TBCE: variants seen among roughly 807,000 people sequenced by gnomAD.
TBCE encodes tubulin-specific chaperone E.
In TBCE, 53 loss-of-function variants were observed where a neutral mutation model predicts 77.0. That is an observed-to-expected ratio of 0.69 (90% CI 0.55 to 0.87). The LOEUF (loss-of-function observed/expected upper bound fraction) is 0.87. Among genes scored for constraint, TBCE ranks in the 40% least tolerant of loss-of-function variants. TBCE has a pLI of 0.00. For synonymous variants in TBCE, 235 were observed against 241.3 expected (o/e 0.97, Z 0.24); for missense variants, 624 against 622.4 (o/e 1.00, Z -0.03).
At chr1:235,418,575 G>A (rs1420610778) in intron 4 of TBCE, 4 of 152,242 alleles carry the variant, frequency 2.6e-5, no homozygotes, top group Non-Finnish European at 5.9e-5. Context: ...ACATGTGAGT[G>A]CGAGAAGCAC....
rs1291697285 is a variant in TBCE, at chr1:235,404,330, T to C, written c.185+2743T>C. Among the ~76,000 whole-genome samples the C allele has an allele frequency of 2.6e-5, 4 of 151,574 alleles. No homozygotes were observed. In the East Asian group the frequency reaches 7.7e-4, roughly 29 times the overall value. The stretch of plus-strand genomic sequence containing the variant: ...GGTGGTACGGGTGGTATGTGCCTGT[T>C]AGTACCAGCTACTTGGGTGGCTGAG... On this transcript the variant is annotated intron_variant, in intron 3 of 16. Transcript: ENST00000642610.
chr1:235,433,079 T>C (rs1398463703), intron 7 of TBCE: 1 of 1,552,204 alleles, frequency 6.4e-7, no homozygotes, highest in Middle Eastern at 1.7e-4. Context: ...CACACATCCA[T>C]GCGGATGAAC....
At chr1:235,370,973 C>T (rs1242613117) in intron 1 of TBCE, among the ~76,000 whole-genome samples, 1 of 144,154 alleles carries the variant, frequency 6.9e-6, no homozygotes, top group Admixed American at 7.3e-5. Context: ...AACTCCTGAC[C>T]TCATGATCCG....
intron 15 of TBCE, 136 bp downstream of exon 15, chr1:235,443,047 T>C (rs1682002072): frequency 1.2e-6 from 1 of 855,474 alleles, no homozygotes; most frequent in South Asian, 1.5e-5. Context: ...GTCTTTTATA[T>C]TCTAAAATAC....
intron 8 of TBCE, 28 bp downstream of exon 8, chr1:235,434,308 A>G (rs1379745760): frequency 6.4e-7 from 1 of 1,557,626 alleles, no homozygotes; most frequent in Non-Finnish European, 8.9e-7. Context: ...AAATGCATCT[A>G]TCCCCATTTA....
rs773574472 is a variant in TBCE, at chr1:235,419,400, T to A, written c.372-73T>A. 1.9e-6 allele frequency: 3 copies of A among 1,608,646 alleles called. No homozygotes were observed. The African/African-American group carries it at 4.0e-5, about 21-fold the overall frequency. On this transcript the variant is annotated intron_variant, in intron 4 of 16. Transcript: ENST00000642610. ...GGTACCCTTTTATATGTCTGAAATG[T>A]GTTTAATTTTTTAAAGGGCCAGTGG...
At chr1:235,374,766 G>A (rs1677187242) in intron 1 of TBCE, among the ~76,000 whole-genome samples, 1 of 145,230 alleles carries the variant, frequency 6.9e-6, no homozygotes, top group East Asian at 1.9e-4. Context: ...CTCCCGAAGT[G>A]CTGGGATTAC....
intron 3 of TBCE, 111 bp downstream of exon 3, chr1:235,401,698 T>C (rs1043629613): frequency 5.5e-6 from 5 of 901,370 alleles, no homozygotes; most frequent in South Asian, 4.2e-5. Context: ...AGTTATATTA[T>C]GGAATTTGTT....
chr1:235,386,774 C>T (rs1468356839), intron 2 of TBCE, among the ~76,000 whole-genome samples: 10 of 152,216 alleles, frequency 6.6e-5, no homozygotes, highest in Admixed American at 1.3e-4. Flanking sequence ...GTAGTTTGAT[C>T]GTCTGAAGCC....
At chr1:235,377,014 T>C (rs951228932) in intron 1 of TBCE, among the ~76,000 whole-genome samples, 23 of 152,114 alleles carry the variant, frequency 1.5e-4, no homozygotes, top group African/African-American at 4.8e-4. Context: ...TCACCAACTT[T>C]GGGCTCGGAG....
intron 6 of TBCE, among the ~76,000 whole-genome samples, chr1:235,428,883 C>T (rs1167985219): frequency 2.6e-5 from 4 of 151,380 alleles, no homozygotes; most frequent in Non-Finnish European, 5.9e-5. Context: ...ACCTTGTGAT[C>T]CGCCCACATC....
At position 235,450,288 on chromosome 1, in the gene TBCE, G is replaced by A; in HGVS notation, c.*1526G>A. 6.2e-7 allele frequency: 1 copy of A among 1,613,768 alleles called. No individual in the cohort carries two copies. The highest frequency in any genetic ancestry group is 8.5e-7 in the Non-Finnish European group (1 of 1,179,652). On this transcript the variant is annotated 3_prime_UTR_variant, in exon 17 of 17. Transcript: ENST00000642610. ...CGTCAGTTCCCACGGAGAATACTGA[G>A]GAGAAGACAGCATTCCTGTCTCACA...
intron 3 of TBCE, chr1:235,414,094 G>T (rs557049074): frequency 1.3e-4 from 42 of 322,246 alleles, no homozygotes; most frequent in Non-Finnish European, 2.2e-4. Flanking sequence ...GACCTCAGGT[G>T]GTCCTCCTGC....
intron 3 of TBCE, among the ~76,000 whole-genome samples, chr1:235,410,048 A>G (rs1041846526): frequency 1.3e-5 from 2 of 148,938 alleles, no homozygotes; most frequent in Admixed American, 6.7e-5. Context: ...ACAAAAACAA[A>G]AAAAACAGAA....
chr1:235,440,185 T>A (rs559858014), intron 13 of TBCE, among the ~76,000 whole-genome samples: 17 of 152,250 alleles, frequency 1.1e-4, no homozygotes, highest in East Asian at 5.8e-4. Context: ...TTAGCCAGGA[T>A]GGTCTCGATC....
At chr1:235,434,767 A>C (rs776317885) in intron 8 of TBCE, among the ~76,000 whole-genome samples, 6 of 151,930 alleles carry the variant, frequency 3.9e-5, no homozygotes, top group Non-Finnish European at 7.4e-5. Flanking sequence ...CATCTTGGCC[A>C]GGCTGGTCTC....
chr1:235,422,640 G>A (rs1338573182), intron 5 of TBCE, among the ~76,000 whole-genome samples: 1 of 152,118 alleles, frequency 6.6e-6, no homozygotes, highest in Admixed American at 6.6e-5. Context: ...GACCAGCCTG[G>A]CCAACGCGGT....
At chr1:235,424,598 C>T (rs1680598666) in intron 5 of TBCE, among the ~76,000 whole-genome samples, 1 of 151,890 alleles carries the variant, frequency 6.6e-6, no homozygotes, top group East Asian at 1.9e-4. Context: ...CTCCGCCTCC[C>T]AGGTTCAAGC....
intron 4 of TBCE, among the ~76,000 whole-genome samples, chr1:235,416,537 A>G (rs962691345): frequency 2.4e-5 from 2 of 82,208 alleles, no homozygotes; most frequent in Non-Finnish European, 4.8e-5. Flanking sequence ...AATGACACAC[A>G]AACCAAAAAA....
Sources: allele counts gnomAD v4.1 joint callset (sites outside exome capture counted in the v4.1 genomes callset), GRCh38; gene constraint gnomAD v4.1.1; transcripts MANE v1.5; gene names NCBI Gene and HGNC (gene_info 2026-07-23, HGNC 2026-07-21).